Variants in SLC25A48 observed in about 807,000 individuals in gnomAD.
SLC25A48 encodes CTC-321K16.1.
SLC25A48 carries 29 observed loss-of-function variants against 32.2 expected under a neutral mutation model. The observed-to-expected ratio is 0.90, with a 90% CI of 0.67 to 1.23. The LOEUF (loss-of-function observed/expected upper bound fraction) is 1.23. Ranked by LOEUF, SLC25A48 falls within the 50% of genes most tolerant of loss-of-function variation. The pLI is 0.00. For synonymous variants in SLC25A48, 164 were observed against 172.3 expected, an observed-to-expected ratio of 0.95 and a Z score of 0.38; for missense variants, 399 against 422.7, an observed-to-expected ratio of 0.94 and a Z score of 0.49.
At chr5:135,681,694 G>A (rs1389168528) in intron 3 of SLC25A48, among the ~76,000 whole-genome samples, 2 of 152,082 alleles carry the variant, frequency 1.3e-5, no homozygotes, top group African/African-American at 2.4e-5. Flanking sequence ...CTTAAGCTTT[G>A]CTCTGAGATT....
At chr5:135,599,406 G>C (rs1230347240) in intron 1 of SLC25A48, among the ~76,000 whole-genome samples, 1 of 152,212 alleles carries the variant, frequency 6.6e-6, no homozygotes, top group Non-Finnish European at 1.5e-5. Context: ...CTGATAGGCA[G>C]TCTTTGGGGG....
chr5:135,669,461 A>G (rs998893456), intron 3 of SLC25A48, among the ~76,000 whole-genome samples: 1 of 152,176 alleles, frequency 6.6e-6, no homozygotes, highest in Non-Finnish European at 1.5e-5. Flanking sequence ...GATGGAACTC[A>G]AGCAGAAATA....
rs561090363 is a variant in SLC25A48, at chr5:135,763,004, G to C, written c.-520-49519G>C. On this transcript the variant is annotated intron_variant, in intron 3 of 10. Transcript: ENST00000646290. ...TGTATATGTGAACGTGAGAGAGTTT[G>C]AGTTCTGTGTGTGAGAGAGTGAACC... 3.8e-4 allele frequency among the ~76,000 whole-genome samples: 58 copies of C among 152,074 alleles called. No homozygotes were observed. The South Asian group carries it at 8.1e-3, about 21-fold the overall frequency.
chr5:135,584,071 A>G (rs1751300483), intron 1 of SLC25A48, among the ~76,000 whole-genome samples: 1 of 152,242 alleles, frequency 6.6e-6, no homozygotes, highest in Non-Finnish European at 1.5e-5. Flanking sequence ...GCCAGGCAGT[A>G]TTGAATTAGG....
At chr5:135,758,916 TTAAG>T (rs1268602316) in intron 3 of SLC25A48, among the ~76,000 whole-genome samples, 1 of 150,952 alleles carries the variant, frequency 6.6e-6, no homozygotes, top group African/African-American at 2.4e-5. Flanking sequence ...ATAAATAATA[TTAAG>T]TGTTAACACA....
At chr5:135,858,607 G>T (rs1433543567) in intron 4 of SLC25A48, among the ~76,000 whole-genome samples, 1 of 152,186 alleles carries the variant, frequency 6.6e-6, no homozygotes, top group African/African-American at 2.4e-5. Context: ...ATACCCCCAG[G>T]TCCCTCCCTT....
chr5:135,623,391 C>T (rs1330109711), intron 1 of SLC25A48, among the ~76,000 whole-genome samples: 1 of 152,192 alleles, frequency 6.6e-6, no homozygotes, highest in African/African-American at 2.4e-5. Flanking sequence ...GCATGGTGCT[C>T]AAGGCTCTTG....
chr5:135,599,592 A>G (rs1312837774), intron 1 of SLC25A48, among the ~76,000 whole-genome samples: 1 of 152,178 alleles, frequency 6.6e-6, no homozygotes, highest in Non-Finnish European at 1.5e-5. Flanking sequence ...CGAGGCTGGG[A>G]GTTGTGAGGC....
chr5:135,872,015 G>C, intron 5 of SLC25A48: 1 of 1,290,508 alleles, frequency 7.7e-7, no homozygotes, highest in South Asian at 3.3e-5. Context: ...CCATTATCAT[G>C]GTTCAGTTTA....
intron 3 of SLC25A48, among the ~76,000 whole-genome samples, chr5:135,801,703 G>T (rs1757331084): frequency 6.6e-6 from 1 of 151,476 alleles, no homozygotes; most frequent in Admixed American, 6.6e-5. Context: ...TGTAATATTA[G>T]AAGGAGAGGG....
intron 3 of SLC25A48, among the ~76,000 whole-genome samples, chr5:135,704,603 C>G (rs754001317): frequency 5.3e-5 from 8 of 152,162 alleles, no homozygotes; most frequent in Admixed American, 1.3e-4. Context: ...TTAATATTTA[C>G]TGTGTTCCAG....
intron 3 of SLC25A48, among the ~76,000 whole-genome samples, chr5:135,698,063 G>T (rs1334080152): frequency 6.6e-6 from 1 of 152,190 alleles, no homozygotes; most frequent in African/African-American, 2.4e-5. Context: ...GCCACCTTTA[G>T]GTCTGCATCT....
chr5:135,595,338 C>A (rs770625172), intron 1 of SLC25A48, among the ~76,000 whole-genome samples: 4 of 152,140 alleles, frequency 2.6e-5, no homozygotes, highest in Non-Finnish European at 5.9e-5. Context: ...GTGATTCCAC[C>A]CAACCTCATG....
At chr5:135,627,350 C>G (rs975135391) in intron 1 of SLC25A48, among the ~76,000 whole-genome samples, 1 of 152,164 alleles carries the variant, frequency 6.6e-6, no homozygotes, top group African/African-American at 2.4e-5. Context: ...CACTGTGGTT[C>G]TATTATCCAT....
At chr5:135,745,908 T>C (rs1259533143) in intron 3 of SLC25A48, among the ~76,000 whole-genome samples, 1 of 152,114 alleles carries the variant, frequency 6.6e-6, no homozygotes, top group Non-Finnish European at 1.5e-5. Context: ...ACTTTGAAGC[T>C]TATCCCATTT....
chr5:135,701,715 C>T (rs1262274564), intron 3 of SLC25A48, among the ~76,000 whole-genome samples: 1 of 152,164 alleles, frequency 6.6e-6, no homozygotes, highest in Non-Finnish European at 1.5e-5. Context: ...CGGCAAGGTC[C>T]TCATGTGGTC....
In SLC25A48 at chr5:135,888,548, T is replaced by TCACTGTGCACTGTGCACTGTG. The variant is rs1762815856; in HGVS notation, c.*535_*536insGTGCACTGTGCACTGTGCACT. On this transcript the variant is annotated 3_prime_UTR_variant, in exon 8 of 8. Coordinates refer to ENST00000681962, the MANE Select transcript of SLC25A48 (RefSeq NM_001349336.2). ...GCACGCTGAGTCCAGTGCGTGCTCC[T>TCACTGTGCACTGTGCACTGTG]CACTGTGCACTTATTAGTGTCTGTT... The TCACTGTGCACTGTGCACTGTG allele has an allele frequency of 6.4e-6, 1 of 157,456 alleles. No individual in the cohort carries two copies. Among genetic ancestry groups the TCACTGTGCACTGTGCACTGTG allele is most frequent in the South Asian group, 2.0e-4 (1 of 4,962 alleles). The allele number at this position is 157,456 out of a possible 1,614,324, so 9.8% of individuals were successfully genotyped here. A position where few individuals can be genotyped will look rare whatever the true frequency, so the allele number is the denominator to read the frequency against.
chr5:135,788,098 G>A (rs1756897500), intron 3 of SLC25A48, among the ~76,000 whole-genome samples: 1 of 151,968 alleles, frequency 6.6e-6, no homozygotes, highest in Admixed American at 6.6e-5. Context: ...GAGGGGAGAC[G>A]GTGATATTGC....
At chr5:135,870,669 T>C (rs1761563534) in intron 4 of SLC25A48, among the ~76,000 whole-genome samples, 1 of 152,144 alleles carries the variant, frequency 6.6e-6, no homozygotes, top group Non-Finnish European at 1.5e-5. Flanking sequence ...CTCCAACCTG[T>C]GGGTCCTGCC....
Sources: allele counts gnomAD v4.1 joint callset (sites outside exome capture counted in the v4.1 genomes callset), GRCh38; gene constraint gnomAD v4.1.1; transcripts MANE v1.5; gene names NCBI Gene and HGNC (gene_info 2026-07-23, HGNC 2026-07-21).